The following RERE variants were observed in gnomAD, a reference collection of about 807,000 sequenced individuals.
RERE encodes arginine-glutamic acid dipeptide repeats protein.
A neutral mutation model predicts 146.1 loss-of-function variants in RERE; 40 were observed. The observed-to-expected ratio is 0.27, with a 90% CI of 0.21 to 0.36. The LOEUF (loss-of-function observed/expected upper bound fraction) is 0.36. RERE is among the 10% of genes least tolerant of loss of function. The pLI, the probability that RERE is intolerant of heterozygous loss-of-function variation, is 1.00. For synonymous variants in RERE, 1,003 were observed against 866.0 expected (o/e 1.16, Z -2.78); for missense variants, 1,933 against 2,138.7 (o/e 0.90, Z 1.90).
chr1:8,422,150 C>T (rs531075494), intron 12 of RERE, among the ~76,000 whole-genome samples: 19 of 152,316 alleles, frequency 1.2e-4, no homozygotes, highest in African/African-American at 4.1e-4. Flanking sequence ...TTGTGAAATA[C>T]TAAGTAGTTT....
At chr1:8,713,389 T>C (rs1029828214) in intron 1 of RERE, among the ~76,000 whole-genome samples, 1 of 152,234 alleles carries the variant, frequency 6.6e-6, no homozygotes, top group Non-Finnish European at 1.5e-5. Flanking sequence ...AAAAATGTTT[T>C]ATCCCTAACA....
intron 1 of RERE, among the ~76,000 whole-genome samples, chr1:8,664,099 A>G (rs1387034175): frequency 6.6e-6 from 1 of 152,214 alleles, no homozygotes; most frequent in Non-Finnish European, 1.5e-5. Context: ...GGCAAGGACC[A>G]TGTCTACCAT....
chr1:8,786,776 A>T (rs2124567696), intron 1 of RERE: 1 of 788,550 alleles, frequency 1.3e-6, no homozygotes. Context: ...TGATAGCACT[A>T]TGCTTTTTCA....
chr1:8,366,231 G>A (rs1641798678), intron 12 of RERE, among the ~76,000 whole-genome samples: 1 of 152,226 alleles, frequency 6.6e-6, no homozygotes, highest in Non-Finnish European at 1.5e-5. Context: ...ACAAGTACTT[G>A]TTGGGTGTCT....
rs1409886783 is a variant in RERE at position 8,449,301 on chromosome 1, A to T, written c.1203+16624T>A. Among the ~76,000 whole-genome samples the T allele has an allele frequency of 2.0e-5, 3 of 152,148 alleles. 1 individual carries two copies. In the East Asian group the frequency reaches 5.8e-4, roughly 29 times the overall value. ...ATAAAACATGTTACACTGAGAAAGC[A>T]TCAAAGAAAACGAAACAACAGTGAC... On this transcript the variant is annotated intron_variant, in intron 11 of 22. Transcript: ENST00000400908.
chr1:8,710,001 T>C (rs966911165), intron 1 of RERE, among the ~76,000 whole-genome samples: 2 of 152,244 alleles, frequency 1.3e-5, no homozygotes, highest in African/African-American at 2.4e-5. Flanking sequence ...GGCGATTCTC[T>C]CTTTCTTTCC....
intron 4 of RERE, among the ~76,000 whole-genome samples, chr1:8,590,088 C>T (rs1646474835): frequency 6.6e-6 from 1 of 152,174 alleles, no homozygotes; most frequent in Non-Finnish European, 1.5e-5. Flanking sequence ...AGGAACACTC[C>T]TACCACCATT....
chr1:8,477,731 G>A (rs897413384), intron 10 of RERE, among the ~76,000 whole-genome samples: 2 of 152,184 alleles, frequency 1.3e-5, no homozygotes, highest in African/African-American at 4.8e-5. Flanking sequence ...GTAGAATTGA[G>A]GTACAGAAAT....
intron 12 of RERE, among the ~76,000 whole-genome samples, chr1:8,394,500 A>G (rs1398520050): frequency 6.6e-6 from 1 of 152,248 alleles, no homozygotes; most frequent in East Asian, 1.9e-4. Context: ...AAGCACAGAG[A>G]GATGAAATAA....
intron 12 of RERE, among the ~76,000 whole-genome samples, chr1:8,380,025 T>A (rs987189578): frequency 1.3e-5 from 2 of 152,186 alleles, no homozygotes; most frequent in African/African-American, 4.8e-5. Context: ...GTGACCTCAG[T>A]CACCCCACTC....
intron 1 of RERE, among the ~76,000 whole-genome samples, chr1:8,778,315 T>C (rs1383048196): frequency 6.6e-6 from 1 of 152,218 alleles, no homozygotes; most frequent in Non-Finnish European, 1.5e-5. Context: ...TTCTCAGGCA[T>C]GCCAAAAATC....
intron 12 of RERE, among the ~76,000 whole-genome samples, chr1:8,416,984 G>C (rs1643794246): frequency 6.6e-6 from 1 of 152,210 alleles, no homozygotes; most frequent in Non-Finnish European, 1.5e-5. Flanking sequence ...AACGTTTGTA[G>C]AAGAGGGACA....
At chr1:8,447,121 CTGT>C (rs1404699597) in intron 11 of RERE, among the ~76,000 whole-genome samples, 3 of 151,136 alleles carry the variant, frequency 2.0e-5, no homozygotes, top group African/African-American at 7.3e-5. Context: ...AGTTCTCCTG[CTGT>C]TTTTTTTTTC....
At chr1:8,681,858 A>T (rs1028315107) in intron 1 of RERE, among the ~76,000 whole-genome samples, 7 of 152,230 alleles carry the variant, frequency 4.6e-5, no homozygotes, top group African/African-American at 1.7e-4. Flanking sequence ...ATGGAAGGCG[A>T]AATTGATTCT....
chr1:8,432,196 A>G (rs1644104991), intron 11 of RERE, among the ~76,000 whole-genome samples: 1 of 152,104 alleles, frequency 6.6e-6, no homozygotes, highest in Non-Finnish European at 1.5e-5. Flanking sequence ...AGCCTCCACA[A>G]TTGGGTTCCC....
chr1:8,355,371 G>C, intron 22 of RERE, 48 bp downstream of exon 22: 1 of 1,590,060 alleles, frequency 6.3e-7, no homozygotes, highest in Non-Finnish European at 8.6e-7. Flanking sequence ...GAGGTTGGGA[G>C]CCTGGGCTCA....
At chr1:8,442,916 C>T (rs1644268628) in intron 11 of RERE, among the ~76,000 whole-genome samples, 1 of 152,158 alleles carries the variant, frequency 6.6e-6, no homozygotes, top group Non-Finnish European at 1.5e-5. Flanking sequence ...TTGTGATGTC[C>T]TAGCAAAAAA....
At position 8,464,185 on chromosome 1, in the gene RERE, G is replaced by C. The variant is rs79988332; in HGVS notation, c.1203+1740C>G. On this transcript the variant is annotated intron_variant, in intron 11 of 22. Coordinates refer to ENST00000400908, the MANE Select transcript of RERE (RefSeq NM_001042681.2). Reference sequence around the variant, plus strand: ...GTTTTAAAACAGCTTCATGAACTCTGTAAGTCTGATAAAGTTAAAGTCTTA... The same window carrying C: ...GTTTTAAAACAGCTTCATGAACTCTCTAAGTCTGATAAAGTTAAAGTCTTA... 5.3e-3 allele frequency among the ~76,000 whole-genome samples: 801 copies of C among 152,216 alleles called. 8 individuals carry two copies. Among genetic ancestry groups the C allele is most frequent in the African/African-American group, 0.019 (770 of 41,510 alleles).
rs140629805 is a variant in RERE at position 8,530,319 on chromosome 1, C to A, written c.830+10895G>T. Among the ~76,000 whole-genome samples, 18 of 152,190 alleles carry A rather than the reference C, an allele frequency of 1.2e-4. No homozygotes were observed. In the East Asian group the frequency reaches 3.3e-3, roughly 28 times the overall value. On this transcript the variant is annotated intron_variant, in intron 7 of 22. Coordinates refer to ENST00000400908, the MANE Select transcript of RERE (RefSeq NM_001042681.2). Reference sequence around the variant, plus strand: ...TCAATTTTTTCTAAAATTAAAAAAACCACTTTGTCCACTATAATACTTAAA... The same window carrying A: ...TCAATTTTTTCTAAAATTAAAAAAAACACTTTGTCCACTATAATACTTAAA...
Sources: gnomAD v4.1 joint callset for allele counts (sites outside exome capture counted in the v4.1 genomes callset) on GRCh38, gnomAD v4.1.1 for gene constraint, MANE v1.5 for transcripts, NCBI Gene and HGNC (gene_info 2026-07-23, HGNC 2026-07-21) for gene names.